PTGIR: variants seen among roughly 807,000 people sequenced by gnomAD.
PTGIR encodes prostacyclin receptor.
A neutral mutation model predicts 17.6 loss-of-function variants in PTGIR; 16 were observed. That is an observed-to-expected ratio of 0.91 (90% confidence interval 0.61 to 1.38). The LOEUF (loss-of-function observed/expected upper bound fraction) is 1.38, where lower values mean the gene tolerates loss of function less well. PTGIR is among the 40% of genes most tolerant of loss of function. The pLI is 0.00. For synonymous variants in PTGIR, 274 were observed against 255.4 expected (o/e 1.07, Z -0.69); for missense variants, 532 against 548.6 (o/e 0.97, Z 0.30).
At chr19:46,613,358 GC>G in the PTGIR span, among the ~76,000 whole-genome samples, 8 of 9,594 alleles carry the variant, frequency 8.3e-4, no homozygotes, top group South Asian at 6.9e-3. Flanking sequence ...ACCCCCCCAT[GC>G]CCCCCCTTCC....
chr19:46,623,807 AGCGCCAGGCGG>A lies in PTGIR; in HGVS notation c.408_418del (p.Arg137AlafsTer127), dbSNP rs2052763400. ...GACGCAGAAGGCGTAGATGGCTGGC[AGCGCCAGGCGG>A]GCGCAGCGGGGCCCGTCCAGCTGCG... is the stretch of plus-strand genomic sequence containing the variant. On this transcript the variant is annotated frameshift_variant, in exon 2 of 3. Transcript: ENST00000291294. LOFTEE classifies it high-confidence loss of function. 6.2e-7 allele frequency: 1 copy of A among 1,609,188 alleles called. No individual in the cohort carries two copies. The highest frequency in any genetic ancestry group is 8.5e-7 in the Non-Finnish European group (1 of 1,178,708).
chr19:46,623,694 G>C lies in PTGIR; in HGVS notation c.532C>G (p.Gln178Glu), dbSNP rs749697480. 1.9e-6 allele frequency: 3 copies of C among 1,562,542 alleles called. No homozygotes were observed. The highest frequency in any genetic ancestry group is 2.6e-6 in the Non-Finnish European group (3 of 1,157,476). The part of the protein sequence containing the change: ...SWCFLRMRWA[Q>E]PGGAAFSLAY... ...AGCGAGAAGGCGGCGCCGCCCGGCT[G>C]GGCCCAGCGCATGCGGAGGAAGCAC... Residue 178 changes from glutamine to glutamate, a missense_variant, in exon 2 of 3, where the codon CAG becomes GAG. Transcript: ENST00000291294.
chr19:46,619,613 G>GAAAGAAAGAAA (rs1326816849), downstream of PTGIR, among the ~76,000 whole-genome samples: 5 of 124,004 alleles, frequency 4.0e-5, no homozygotes, highest in Non-Finnish European at 8.6e-5. Context: ...AGGAAAGAAA[G>GAAAGAAAGAAA]AAAGAAAGAA....
downstream of PTGIR, among the ~76,000 whole-genome samples, chr19:46,619,549 G>GAAAGAA (rs768823157): frequency 0.011 from 766 of 71,158 alleles, 1 homozygote; most frequent in Middle Eastern, 0.03. Context: ...AAGAAAGAAA[G>GAAAGAA]AGAGAGAGAG....
downstream of PTGIR, among the ~76,000 whole-genome samples, chr19:46,615,907 T>C (rs2122292688): frequency 6.6e-6 from 1 of 151,284 alleles, no homozygotes; most frequent in African/African-American, 2.4e-5. Flanking sequence ...ACCCAAGCAA[T>C]CCTCCCAACT....
chr19:46,611,005 A>C, the PTGIR span, among the ~76,000 whole-genome samples: 1 of 152,168 alleles, frequency 6.6e-6, no homozygotes, highest in Admixed American at 6.5e-5. Context: ...TGTCCTAGAG[A>C]TAGTCGCACA....
chr19:46,611,802 C>T, the PTGIR span, among the ~76,000 whole-genome samples: 192 of 152,314 alleles, frequency 1.3e-3, no homozygotes, highest in African/African-American at 4.5e-3. Context: ...CATTCTCCCT[C>T]GGGGGAATGG....
rs1280267256 is a variant in PTGIR, at chr19:46,623,860, G to A, written c.366C>T (p.Ser122=). The change falls in exon 2 of 3, where the codon AGC becomes AGT. Residue 122 remains serine (S), a synonymous_variant. Transcript: ENST00000291294. ...CCAGCTGCGCGTAGAGGTAGGGGTG[G>A]CTCAGCGCCAGGCAGCGCTCCACGG... ...AMAVERCLAL[S]HPYLYAQLDG... 1.9e-6 allele frequency: 3 copies of A among 1,609,772 alleles called. No individual in the cohort carries two copies. Among genetic ancestry groups the A allele is most frequent in the Non-Finnish European group, 2.5e-6 (3 of 1,178,606 alleles).
At chr19:46,615,929 G>A (rs1015595847), downstream of PTGIR, among the ~76,000 whole-genome samples, 2 of 151,808 alleles carry the variant, frequency 1.3e-5, no homozygotes, top group Non-Finnish European at 2.9e-5. Context: ...CACCTCCCAA[G>A]TCGCTGGGAA....
chr19:46,623,278 T>C (rs912197270), intron 2 of PTGIR, 180 bp downstream of exon 2: 3 of 705,430 alleles, frequency 4.3e-6, no homozygotes, highest in Non-Finnish European at 4.4e-6. Flanking sequence ...ATTACAGGTG[T>C]GAGCCACCGC....
chr19:46,620,842 T>C lies in PTGIR; in HGVS notation c.*438A>G, dbSNP rs1387743684. ...TGTGGAGCAGAAAGGGGCTGGCTCT[T>C]GGAGTGGCTTGGTAGAGGGGGAGGG... On this transcript the variant is annotated 3_prime_UTR_variant, in exon 3 of 3. Coordinates refer to ENST00000291294, the MANE Select transcript of PTGIR (RefSeq NM_000960.4). The C allele has an allele frequency of 2.0e-6, 2 of 988,522 alleles. No homozygotes were observed. The highest frequency in any genetic ancestry group is 2.4e-6 in the Non-Finnish European group (2 of 832,052). 61.2% of individuals were successfully genotyped at this position (988,522 alleles called of 1,614,324 possible). A position where few individuals can be genotyped will look rare whatever the true frequency, so the allele number is the denominator to read the frequency against.
the PTGIR span, among the ~76,000 whole-genome samples, chr19:46,613,517 A>G: frequency 5.9e-5 from 9 of 152,042 alleles, no homozygotes; most frequent in Non-Finnish European, 1.3e-4. Flanking sequence ...ATTTTAGTAG[A>G]GACGGGGTTT....
At chr19:46,623,293 G>A (rs887837868) in intron 2 of PTGIR, 165 bp downstream of exon 2, 31 of 828,004 alleles carry the variant, frequency 3.7e-5, no homozygotes, top group Non-Finnish European at 4.9e-5. Context: ...CACCGCATCC[G>A]GTCCTGCCTC....
downstream of PTGIR, among the ~76,000 whole-genome samples, chr19:46,617,855 T>TTTTTTC (rs1971984424): frequency 6.6e-6 from 1 of 151,160 alleles, no homozygotes; most frequent in African/African-American, 2.4e-5. Context: ...TTTTTTTTTT[T>TTTTTTC]TTTTCTTTGA....
At chr19:46,611,275 C>A in the PTGIR span, among the ~76,000 whole-genome samples, 2 of 152,204 alleles carry the variant, frequency 1.3e-5, no homozygotes, top group African/African-American at 4.8e-5. Flanking sequence ...TGGGTGAGAG[C>A]CCCGAGCAGC....
At chr19:46,618,116 ACC>A (rs1971989663), downstream of PTGIR, among the ~76,000 whole-genome samples, 2 of 146,994 alleles carry the variant, frequency 1.4e-5, no homozygotes, top group Middle Eastern at 3.6e-3. Flanking sequence ...CCGGGTTCAC[ACC>A]ATTCTCCTGC....
Position 46,623,928 on chromosome 19 carries a change from T to C in PTGIR, c.298A>G (p.Thr100Ala), listed in dbSNP as rs1420681127. Residue 100 changes from threonine to alanine, a missense_variant, in exon 2 of 3, where the codon ACC (threonine) becomes GCC (alanine). Transcript: ENST00000291294. ...ALCDAFAFAM[T>A]FFGLASMLIL... ...AGCATGGACGCCAGGCCGAAGAAGG[T>C]CATGGCGAAGGCGAAGGCATCGCAC... The C allele has an allele frequency of 6.2e-7, 1 of 1,602,668 alleles. No individual in the cohort carries two copies.
chr19:46,622,498 C>G (rs73560717), intron 2 of PTGIR: 6 of 716,318 alleles, frequency 8.4e-6, no homozygotes, highest in Middle Eastern at 7.0e-4. Flanking sequence ...CCACTAAGCA[C>G]GGGGCGGGCA....
Position 46,620,732 on chromosome 19 carries a change from C to T in PTGIR, c.*548G>A. On this transcript the variant is annotated 3_prime_UTR_variant, in exon 3 of 3. Transcript: ENST00000291294. ...CAGCAGCCTCCCCTTCCTCCCGTTG[C>T]CCCTTTGGGATGCCAGGGCTCCCAA... The T allele has an allele frequency of 2.0e-6, 2 of 986,036 alleles. No homozygotes were observed. The highest frequency in any genetic ancestry group is 2.4e-6 in the Non-Finnish European group (2 of 830,018). The allele number at this position is 986,036 out of a possible 1,614,324, so 61.1% of individuals were successfully genotyped here. A position where few individuals can be genotyped will look rare whatever the true frequency, so the allele number is the denominator to read the frequency against.
Sources: allele counts gnomAD v4.1 joint callset (sites outside exome capture counted in the v4.1 genomes callset), GRCh38; gene constraint gnomAD v4.1.1; transcripts MANE v1.5; gene names NCBI Gene and HGNC (gene_info 2026-07-23, HGNC 2026-07-21).